The following PRKAR1B variants were observed in gnomAD, a reference collection of about 807,000 sequenced individuals.
PRKAR1B encodes protein kinase cAMP-dependent type I regulatory subunit beta.
PRKAR1B carries 22 observed loss-of-function variants against 46.5 expected under a neutral mutation model. The observed-to-expected ratio is 0.47, with a 90% CI of 0.34 to 0.68. PRKAR1B has a LOEUF of 0.68. Ranked by LOEUF, PRKAR1B falls within the 30% of genes least tolerant of loss-of-function variation. PRKAR1B has a pLI of 0.01. For missense variants in PRKAR1B, 445 were observed against 535.6 expected (o/e 0.83, Z 1.67); for synonymous variants, 259 against 217.7 (o/e 1.19, Z -1.67).
At chr7:587,837 C>G (rs1211530213) in intron 7 of PRKAR1B, among the ~76,000 whole-genome samples, 1 of 152,156 alleles carries the variant, frequency 6.6e-6, no homozygotes, top group Non-Finnish European at 1.5e-5. Flanking sequence ...GAAAACAGCT[C>G]AAGGGGGAAG....
At chr7:678,423 A>C (rs1489356001) in intron 3 of PRKAR1B, among the ~76,000 whole-genome samples, 1 of 152,214 alleles carries the variant, frequency 6.6e-6, no homozygotes, top group African/African-American at 2.4e-5. Context: ...TACTGGCTGC[A>C]GTCACCCCAC....
At chr7:654,217 C>T (rs1396798593) in intron 4 of PRKAR1B, among the ~76,000 whole-genome samples, 2 of 151,520 alleles carry the variant, frequency 1.3e-5, no homozygotes, top group South Asian at 2.1e-4. Context: ...TCATTATCAC[C>T]ATCTTCATCA....
intron 2 of PRKAR1B, among the ~76,000 whole-genome samples, chr7:682,662 G>A (rs1229549598): frequency 2.0e-5 from 3 of 151,996 alleles, no homozygotes; most frequent in South Asian, 2.1e-4. Context: ...GGAGAATGGC[G>A]TGAACCCGGG....
At chr7:658,012 G>A (rs573924398) in intron 4 of PRKAR1B, among the ~76,000 whole-genome samples, 1 of 152,244 alleles carries the variant, frequency 6.6e-6, no homozygotes, top group South Asian at 2.1e-4. Context: ...AACCCGACAA[G>A]CAAGGCCCAC....
At chr7:704,634 G>C (rs1780221978) in intron 2 of PRKAR1B, among the ~76,000 whole-genome samples, 1 of 152,026 alleles carries the variant, frequency 6.6e-6, no homozygotes, top group Non-Finnish European at 1.5e-5. Context: ...AAATGAGCCA[G>C]GCGCGATGCC....
intron 6 of PRKAR1B, among the ~76,000 whole-genome samples, chr7:598,081 G>T (rs1697982845): frequency 6.6e-6 from 1 of 152,154 alleles, no homozygotes; most frequent in Non-Finnish European, 1.5e-5. Flanking sequence ...CCCTGTACGT[G>T]ACATGCACGC....
chr7:551,696 G>A (rs1167967371), intron 9 of PRKAR1B, among the ~76,000 whole-genome samples: 1 of 94,332 alleles, frequency 1.1e-5, no homozygotes, highest in Non-Finnish European at 2.1e-5. Flanking sequence ...AAACCCCCAT[G>A]TCCTGCCCAG....
At chr7:571,602 C>T (rs778632633) in intron 9 of PRKAR1B, among the ~76,000 whole-genome samples, 5 of 152,222 alleles carry the variant, frequency 3.3e-5, no homozygotes, top group African/African-American at 7.2e-5. Context: ...AGGCCGCTGC[C>T]GCCCCGTATA....
chr7:685,326 ACG>A (rs370857831), intron 2 of PRKAR1B, among the ~76,000 whole-genome samples: 7 of 81,384 alleles, frequency 8.6e-5, no homozygotes, highest in East Asian at 3.5e-4. Flanking sequence ...ACGTATATAT[ACG>A]TATATATACG....
intron 5 of PRKAR1B, among the ~76,000 whole-genome samples, chr7:606,764 A>ATG (rs1468591920): frequency 1.6e-4 from 17 of 104,072 alleles, no homozygotes; most frequent in Middle Eastern, 5.5e-3. Flanking sequence ...TGAGAATTTT[A>ATG]TGCGTGTGTG....
chr7:598,151 C>T (rs1377174195), intron 6 of PRKAR1B, among the ~76,000 whole-genome samples: 1 of 151,610 alleles, frequency 6.6e-6, no homozygotes, highest in East Asian at 1.9e-4. Context: ...AACACCATCA[C>T]CCTCCAGCAC....
At chr7:635,493 C>T (rs928790294) in intron 4 of PRKAR1B, among the ~76,000 whole-genome samples, 2 of 152,194 alleles carry the variant, frequency 1.3e-5, no homozygotes, top group Non-Finnish European at 2.9e-5. Context: ...AACACTGACT[C>T]CACAGTCCTC....
chr7:584,606 A>C (rs572800870), intron 7 of PRKAR1B, 38 bp from the exon 8 acceptor site: 8 of 1,547,396 alleles, frequency 5.2e-6, no homozygotes, highest in African/African-American at 1.4e-5. Context: ...AAGAAGGTGA[A>C]TCTTCATACC....
At chr7:678,891 G>T (rs1050783788) in intron 3 of PRKAR1B, among the ~76,000 whole-genome samples, 1 of 152,124 alleles carries the variant, frequency 6.6e-6, no homozygotes, top group Non-Finnish European at 1.5e-5. Flanking sequence ...TTCAAGACCC[G>T]CCTGGCCAAC....
chr7:629,049 C>T (rs374460318), intron 4 of PRKAR1B, among the ~76,000 whole-genome samples: 1 of 152,220 alleles, frequency 6.6e-6, no homozygotes, highest in Non-Finnish European at 1.5e-5. Context: ...ACATTACAGC[C>T]GATGGTGACA....
chr7:662,851 C>G (rs954946755), intron 4 of PRKAR1B, among the ~76,000 whole-genome samples: 4 of 152,234 alleles, frequency 2.6e-5, no homozygotes, highest in African/African-American at 7.2e-5. Context: ...CTCCCCCCAC[C>G]ACCTGGGGCC....
At chr7:663,502 G>T (rs1351706266) in intron 4 of PRKAR1B, among the ~76,000 whole-genome samples, 1 of 152,186 alleles carries the variant, frequency 6.6e-6, no homozygotes. Context: ...CTCCCAAAGT[G>T]CTGGGATTAC....
intron 4 of PRKAR1B, among the ~76,000 whole-genome samples, chr7:630,219 T>TGGGCC (rs1269625449): frequency 1.3e-5 from 2 of 152,162 alleles, no homozygotes; most frequent in African/African-American, 2.4e-5. Context: ...TGGAGGGGGC[T>TGGGCC]GGGCCAGGCC....
intron 9 of PRKAR1B, among the ~76,000 whole-genome samples, chr7:570,278 T>C (rs1779422362): frequency 6.6e-6 from 1 of 152,130 alleles, no homozygotes; most frequent in African/African-American, 2.4e-5. Flanking sequence ...GGGCCAGGGA[T>C]TTGGTTCTGA....
Sources: gnomAD v4.1 joint callset for allele counts (sites outside exome capture counted in the v4.1 genomes callset) on GRCh38, gnomAD v4.1.1 for gene constraint, MANE v1.5 for transcripts, NCBI Gene and HGNC (gene_info 2026-07-23, HGNC 2026-07-21) for gene names.